Variants in TFR2 observed in about 807,000 individuals in gnomAD.
TFR2 encodes transferrin receptor 2, also known as transferrin receptor protein 2.
Under a neutral mutation model 91.9 loss-of-function variants are expected in TFR2, and 64 were observed. The observed-to-expected ratio is 0.70, with a 90% CI of 0.57 to 0.86. TFR2 has a LOEUF of 0.86. Ranked by LOEUF, TFR2 falls within the 40% of genes least tolerant of loss-of-function variation. The pLI is 0.00. For synonymous variants in TFR2, 454 were observed against 459.6 expected (o/e 0.99, Z 0.15); for missense variants, 950 against 1,080.5 (o/e 0.88, Z 1.69).
intron 3 of TFR2, among the ~76,000 whole-genome samples, chr7:100,636,612 G>A (rs1032696309): frequency 6.6e-6 from 1 of 152,002 alleles, no homozygotes; most frequent in Non-Finnish European, 1.5e-5. Context: ...TATTGTATCA[G>A]GAAGTTTTCA....
chr7:100,624,528 A>G (rs1803200614), intron 17 of TFR2, among the ~76,000 whole-genome samples: 1 of 94,568 alleles, frequency 1.1e-5, no homozygotes, highest in Non-Finnish European at 2.0e-5. Context: ...AAAAGTAGCC[A>G]TAGAGAGCGT....
At chr7:100,631,617 C>G (rs1445378406) in intron 8 of TFR2, 189 bp downstream of exon 8, 1 of 641,890 alleles carries the variant, frequency 1.6e-6, no homozygotes, top group South Asian at 2.4e-5. Context: ...GAGCAAGACT[C>G]CATCTCAAAA....
intron 10 of TFR2, 56 bp downstream of exon 10, chr7:100,629,197 C>A: frequency 6.2e-7 from 1 of 1,606,090 alleles, no homozygotes; most frequent in East Asian, 2.2e-5. Context: ...CTATCCTCCT[C>A]GGGCCACAGG....
At position 100,633,550 on chromosome 7, in the gene TFR2, G is replaced by A; in HGVS notation, c.480C>T (p.Thr160=). Reference sequence around the variant, plus strand: ...AGCCTGCCACCCGTTCCCGAAGGCTGGTTTGCCTAAGCGGGGAGAGGTGGG... The same window carrying A: ...AGCCTGCCACCCGTTCCCGAAGGCTAGTTTGCCTAAGCGGGGAGAGGTGGG... ...EGRLEDTIRQ[T]SLRERVAGSA... is the part of the protein sequence containing the mutation. The change falls in exon 4 of 18, where the codon ACC becomes ACT. Residue 160 remains threonine (T), a synonymous_variant. Coordinates refer to ENST00000223051, the MANE Select transcript of TFR2 (RefSeq NM_003227.4). 6.2e-7 allele frequency: 1 copy of A among 1,603,522 alleles called. No homozygotes were observed. Among genetic ancestry groups the A allele is most frequent in the Non-Finnish European group, 8.5e-7 (1 of 1,179,436 alleles).
At position 100,641,101 on chromosome 7, in the gene TFR2, A is replaced by C; in HGVS notation, c.161T>G (p.Met54Arg). The C allele has an allele frequency of 6.3e-7, 1 of 1,595,880 alleles. No individual in the cohort carries two copies. The highest frequency in any genetic ancestry group is 8.5e-7 in the Non-Finnish European group (1 of 1,170,792). Residue 54 changes from methionine to arginine, a missense_variant, in exon 2 of 18, where the codon ATG becomes AGG. By Grantham distance (91) the Met-to-Arg change is moderately conservative. Coordinates refer to ENST00000223051, the MANE Select transcript of TFR2 (RefSeq NM_003227.4). The stretch of plus-strand genomic sequence containing the variant: ...CAGGGGCTCAGGGCCCCTCAGCTCC[A>C]TGGGGCAGAAGTGGGCCAATGTCTC... ...GAETLAHFCP[M>R]ELRGPEPLGS...
intron 3 of TFR2, among the ~76,000 whole-genome samples, chr7:100,635,145 G>A (rs985682585): frequency 3.3e-5 from 5 of 151,536 alleles, no homozygotes; most frequent in African/African-American, 1.2e-4. Flanking sequence ...TCGGCATGTC[G>A]GCTAGGCTGG....
Position 100,626,905 on chromosome 7 carries a change from TG to T in TFR2, c.1996-3del, listed in dbSNP as rs1251971781. 2.0e-6 allele frequency: 3 copies of T among 1,524,548 alleles called. No homozygotes were observed. Among genetic ancestry groups the T allele is most frequent in the Non-Finnish European group, 8.8e-7 (1 of 1,138,914 alleles). The allele number at this position is 1,524,548 out of a possible 1,614,324, so 94.4% of individuals were successfully genotyped here. A position where few individuals can be genotyped will look rare whatever the true frequency, so the allele number is the denominator to read the frequency against. ...CCACTGCAGGGTCAGCCCGCGGGCC[TG>T]GGGTGGGGAGGCGCGGGCTGGGGCT... On this transcript the variant is annotated splice_polypyrimidine_tract_variant and splice_region_variant and intron_variant, in intron 16 of 17. Transcript: ENST00000223051.
In TFR2 at chr7:100,620,835, G is replaced by A; in HGVS notation, c.*22C>T. 1 of 1,613,790 alleles carries A rather than the reference G, an allele frequency of 6.2e-7. No homozygotes were observed. The highest frequency in any genetic ancestry group is 8.5e-7 in the Non-Finnish European group (1 of 1,179,764). On this transcript the variant is annotated 3_prime_UTR_variant, in exon 18 of 18. Transcript: ENST00000223051. ...AGAGGAGCTCTTGACTGGGGGACGG[G>A]GATGTGAGGATCCCCAGGGCCTCAG...
rs769171284 is a variant in TFR2, at chr7:100,641,121, T to C, written c.141A>G (p.Thr47=). Residue 47 remains threonine (T), a synonymous_variant, in exon 2 of 18, where the codon ACA becomes ACG. Coordinates refer to ENST00000223051, the MANE Select transcript of TFR2 (RefSeq NM_003227.4). ...EEEDGEEGAE[T]LAHFCPMELR... Reference sequence around the variant, plus strand: ...GCTCCATGGGGCAGAAGTGGGCCAATGTCTCCGCCCCCTCCTCCCCGTCTT... The same window carrying C: ...GCTCCATGGGGCAGAAGTGGGCCAACGTCTCCGCCCCCTCCTCCCCGTCTT... The C allele has an allele frequency of 3.2e-6, 5 of 1,576,062 alleles. No homozygotes were observed. The highest frequency in any genetic ancestry group is 1.7e-6 in the Non-Finnish European group (2 of 1,160,870).
intron 17 of TFR2, among the ~76,000 whole-genome samples, chr7:100,622,724 AG>A (rs1267822185): frequency 1.3e-5 from 2 of 152,174 alleles, no homozygotes; most frequent in African/African-American, 4.8e-5. Context: ...TCAGAGGCTG[AG>A]GCGGGTGGAT....
At position 100,624,787 on chromosome 7, in the gene TFR2, G is replaced by A. The variant is rs190074197; in HGVS notation, c.2136+1976C>T. 6.9e-3 allele frequency among the ~76,000 whole-genome samples: 1,050 copies of A among 151,972 alleles called. 2 individuals are homozygous for A. The highest frequency in any genetic ancestry group is 0.013 in the Admixed American group (194 of 15,258). ...GAGGCTGAGGTGAGGTGAGAGGATT[G>A]CTTGAGCCCGGGAGGTGGAGGTTGC... On this transcript the variant is annotated intron_variant, in intron 17 of 17. Coordinates refer to ENST00000223051, the MANE Select transcript of TFR2 (RefSeq NM_003227.4).
In TFR2 at chr7:100,640,962, G is replaced by C. The variant is rs754012192; in HGVS notation, c.286+14C>G. On this transcript the variant is annotated intron_variant, in intron 2 of 17. Transcript: ENST00000223051. ...CCCAAGCCCTTCACTTCTGGGGAGGGGGACGGCTCTCACCCCCAGTGAAGA... is the reference window on the plus strand; with the variant it reads ...CCCAAGCCCTTCACTTCTGGGGAGGCGGACGGCTCTCACCCCCAGTGAAGA... The C allele has an allele frequency of 4.3e-6, 7 of 1,612,534 alleles. No individual in the cohort carries two copies. In the South Asian group the frequency reaches 6.6e-5, roughly 15 times the overall value.
At position 100,629,302 on chromosome 7, in the gene TFR2, C is replaced by T. The variant is rs532187374; in HGVS notation, c.1341G>A (p.Thr447=). 1.5e-5 allele frequency: 24 copies of T among 1,614,118 alleles called. No homozygotes were observed. Among genetic ancestry groups the T allele is most frequent in the South Asian group, 1.3e-4 (12 of 91,082 alleles). ...TCCGCACCAGCTCCAGGAGTATAGC[C>T]GTCCCCACAGCGGATTTAGCTGCTC... ...GPGAAKSAVG[T]AILLELVRTF... Residue 447 remains threonine, a synonymous_variant, in exon 10 of 18, where the codon ACG becomes ACA. Transcript: ENST00000223051.
chr7:100,620,884 A>G lies in TFR2; in HGVS notation c.2379T>C (p.Asp793=). 4 of 1,614,112 alleles carry G rather than the reference A, an allele frequency of 2.5e-6. No homozygotes were observed. The South Asian group carries it at 4.4e-5, about 18-fold the overall frequency. The change falls in exon 18 of 18, where the codon GAT becomes GAC. Residue 793 remains aspartate (D), a synonymous_variant. Transcript: ENST00000223051. The part of the protein sequence containing the change: ...LQGAANALSG[D]VWNIDNNF ...AGAAGTTGTTATCAATGTTCCAGAC[A>G]TCCCCGCTAAGCGCATTGGCTGCCC...
intron 16 of TFR2, 148 bp downstream of exon 16, chr7:100,627,116 G>T: frequency 1.6e-6 from 2 of 1,219,642 alleles, no homozygotes; most frequent in East Asian, 5.1e-5. Context: ...ACATGCTGGG[G>T]GCTGGGAGAC....
chr7:100,637,773 A>T (rs754430300), intron 3 of TFR2, among the ~76,000 whole-genome samples: 4 of 151,980 alleles, frequency 2.6e-5, no homozygotes, highest in Non-Finnish European at 4.4e-5. Context: ...AGATTGCACC[A>T]CTGCATTCTA....
At position 100,631,070 on chromosome 7, in the gene TFR2, A is replaced by C. The variant is rs888964552; in HGVS notation, c.1107-18T>G. Reference sequence around the variant, plus strand: ...TGAGCTTCCTGGAGAGGAGGAAGGCAGAAAGGGGGAAGTTGTAGAGAGACC... The same window carrying C: ...TGAGCTTCCTGGAGAGGAGGAAGGCCGAAAGGGGGAAGTTGTAGAGAGACC... On this transcript the variant is annotated intron_variant, in intron 8 of 17. Transcript: ENST00000223051. 2 of 1,541,276 alleles carry C rather than the reference A, an allele frequency of 1.3e-6. No individual in the cohort carries two copies. Among genetic ancestry groups the C allele is most frequent in the Non-Finnish European group, 1.7e-6 (2 of 1,150,588 alleles).
At chr7:100,626,690 G>A in intron 17 of TFR2, 73 bp downstream of exon 17, 2 of 1,526,722 alleles carry the variant, frequency 1.3e-6, no homozygotes, top group South Asian at 1.2e-5. Flanking sequence ...CGCAGACGGG[G>A]CCAGGTCCAG....
At chr7:100,638,757 TAAAAAA>T (rs34071254) in intron 3 of TFR2, among the ~76,000 whole-genome samples, 1 of 145,276 alleles carries the variant, frequency 6.9e-6, no homozygotes, top group African/African-American at 2.5e-5. Flanking sequence ...TCAAAAAAAG[TAAAAAA>T]AAAAAAAATA....
Sources: allele counts gnomAD v4.1 joint callset (sites outside exome capture counted in the v4.1 genomes callset), GRCh38; gene constraint gnomAD v4.1.1; transcripts MANE v1.5; gene names NCBI Gene and HGNC (gene_info 2026-07-23, HGNC 2026-07-21).